The following FAR2 variants were observed in gnomAD, a reference collection of about 807,000 sequenced individuals.
FAR2 encodes fatty acyl-CoA reductase 2.
FAR2 carries 19 observed loss-of-function variants against 56.0 expected under a neutral mutation model. The ratio of observed to expected loss-of-function variants is 0.34; its 90% CI spans 0.24 to 0.50. The LOEUF (loss-of-function observed/expected upper bound fraction) is 0.50, where lower values mean the gene tolerates loss of function less well. Ranked by LOEUF, FAR2 falls within the 20% of genes least tolerant of loss-of-function variation. FAR2 has a pLI of 0.98. For missense variants in FAR2, 508 were observed against 642.2 expected (o/e 0.79, Z 2.26); for synonymous variants, 219 against 218.8 (o/e 1.00, Z -0.01).
intron 1 of FAR2, among the ~76,000 whole-genome samples, chr12:29,199,526 G>A (rs7956134): frequency 0.74 from 110,128 of 149,442 alleles, 42,635 homozygotes; most frequent in East Asian, 0.9. Context: ...CGTGAACCCG[G>A]GAGGCGGAGC....
At chr12:29,319,672 G>A (rs951722892) in intron 9 of FAR2, among the ~76,000 whole-genome samples, 24 of 152,116 alleles carry the variant, frequency 1.6e-4, no homozygotes, top group African/African-American at 5.8e-4. Flanking sequence ...CAGGCTTATA[G>A]GATTTAAATC....
intron 1 of FAR2, among the ~76,000 whole-genome samples, chr12:29,217,455 G>C (rs1024746639): frequency 1.3e-5 from 2 of 152,194 alleles, no homozygotes; most frequent in African/African-American, 2.4e-5. Flanking sequence ...AGCAGTACAG[G>C]AAGCTGGAGG....
At chr12:29,293,266 AT>A (rs1565508796) in intron 2 of FAR2, 33 bp from the exon 3 acceptor site, 3 of 1,457,780 alleles carry the variant, frequency 2.1e-6, no homozygotes, top group African/African-American at 1.5e-5. Context: ...TGATGGTGCT[AT>A]TTTTTGTATA....
In FAR2 at chr12:29,332,737, A is replaced by C; in HGVS notation, c.1385+10A>C. 1.2e-6 allele frequency: 2 copies of C among 1,610,354 alleles called. No homozygotes were observed. Among genetic ancestry groups the C allele is most frequent in the Non-Finnish European group, 8.5e-7 (1 of 1,178,092 alleles). On this transcript the variant is annotated intron_variant, in intron 11 of 11. Transcript: ENST00000536681. ...AGCAACGCTTAAAAAGGTAAGTATAATCAGTCAGTTAATATTTATTGAGCA... is the reference window on the plus strand; with the variant it reads ...AGCAACGCTTAAAAAGGTAAGTATACTCAGTCAGTTAATATTTATTGAGCA...
rs573937265 is a variant in FAR2, at chr12:29,173,223, C to T, written c.-39+23816C>T. ...GAAGGGGACGTGTACCCGGGTTGGGCCAAATTCCCCTTCCCCTACAGCTTG... is the reference window on the plus strand; with the variant it reads ...GAAGGGGACGTGTACCCGGGTTGGGTCAAATTCCCCTTCCCCTACAGCTTG... On this transcript the variant is annotated intron_variant, in intron 1 of 11. Coordinates refer to ENST00000536681, the MANE Select transcript of FAR2 (RefSeq NM_001271783.2). Among the ~76,000 whole-genome samples, 126 of 152,252 alleles carry T rather than the reference C, an allele frequency of 8.3e-4. 1 individual carries two copies. Among genetic ancestry groups the T allele is most frequent in the African/African-American group, 2.9e-3 (119 of 41,544 alleles).
intron 9 of FAR2, among the ~76,000 whole-genome samples, chr12:29,317,510 C>G (rs1591964480): frequency 6.6e-6 from 1 of 152,050 alleles, no homozygotes; most frequent in Non-Finnish European, 1.5e-5. Context: ...AAGTTTTGAA[C>G]AAAGCAGTCA....
intron 1 of FAR2, among the ~76,000 whole-genome samples, chr12:29,211,303 A>G (rs1410077954): frequency 6.6e-6 from 1 of 152,194 alleles, no homozygotes; most frequent in African/African-American, 2.4e-5. Flanking sequence ...AAAGAAAAAA[A>G]GAATATCTTG....
chr12:29,308,013 A>G, intron 5 of FAR2, 178 bp downstream of exon 5: 1 of 592,556 alleles, frequency 1.7e-6, no homozygotes, highest in Non-Finnish European at 2.8e-6. Context: ...TTTACCCAGC[A>G]TGTGGCTCCT....
intron 10 of FAR2, among the ~76,000 whole-genome samples, chr12:29,326,002 T>TA (rs1372143902): frequency 6.6e-6 from 1 of 151,964 alleles, no homozygotes; most frequent in Non-Finnish European, 1.5e-5. Context: ...GATAGACTGC[T>TA]AGCAAGACTA....
intron 1 of FAR2, among the ~76,000 whole-genome samples, chr12:29,218,762 A>C (rs1017480557): frequency 6.6e-6 from 1 of 152,244 alleles, no homozygotes; most frequent in East Asian, 1.9e-4. Flanking sequence ...AAGGGGAAAA[A>C]GTTATATTTA....
At chr12:29,261,221 T>A (rs12823903) in intron 1 of FAR2, among the ~76,000 whole-genome samples, 20,723 of 151,942 alleles carry the variant, frequency 0.14, 1,544 homozygotes, top group Middle Eastern at 0.28. Flanking sequence ...TCAGATACAT[T>A]TAACAAAGAG....
chr12:29,174,549 T>G (rs1949918710), intron 1 of FAR2, among the ~76,000 whole-genome samples: 1 of 144,128 alleles, frequency 6.9e-6, no homozygotes, highest in Admixed American at 7.3e-5. Flanking sequence ...GCCTCCCAAG[T>G]AGCTGGCACT....
At chr12:29,324,618 T>C (rs1055436564) in intron 10 of FAR2, among the ~76,000 whole-genome samples, 6 of 152,154 alleles carry the variant, frequency 3.9e-5, no homozygotes, top group Non-Finnish European at 7.3e-5. Context: ...GAAAAGAATT[T>C]TCAACCCAGA....
intron 1 of FAR2, among the ~76,000 whole-genome samples, chr12:29,195,963 T>G (rs1004711431): frequency 2.0e-5 from 3 of 152,208 alleles, no homozygotes; most frequent in African/African-American, 7.2e-5. Context: ...TATTTGACTT[T>G]CTGTTTCTGC....
chr12:29,235,914 G>T (rs1321274244), intron 1 of FAR2, among the ~76,000 whole-genome samples: 2 of 152,156 alleles, frequency 1.3e-5, no homozygotes, highest in Admixed American at 1.3e-4. Flanking sequence ...GAGGGGGGAA[G>T]AAATAAGGAG....
At chr12:29,188,313 T>C (rs1192758063) in intron 1 of FAR2, among the ~76,000 whole-genome samples, 1 of 152,162 alleles carries the variant, frequency 6.6e-6, no homozygotes, top group Non-Finnish European at 1.5e-5. Flanking sequence ...CCACCCAGCT[T>C]TTCTGCCCTT....
intron 2 of FAR2, among the ~76,000 whole-genome samples, chr12:29,281,869 GA>G (rs902579733): frequency 8.0e-5 from 12 of 150,658 alleles, no homozygotes; most frequent in Admixed American, 1.3e-4. Context: ...AAAGTTAAAG[GA>G]AAAAAAAATT....
intron 10 of FAR2, among the ~76,000 whole-genome samples, chr12:29,329,117 A>G (rs982185556): frequency 2.6e-5 from 4 of 152,196 alleles, no homozygotes; most frequent in Non-Finnish European, 5.9e-5. Context: ...GCTCCCTCTC[A>G]AAGTGACATG....
chr12:29,306,759 G>C (rs932053894), intron 4 of FAR2, among the ~76,000 whole-genome samples: 3 of 152,164 alleles, frequency 2.0e-5, no homozygotes, highest in African/African-American at 7.2e-5. Flanking sequence ...TTAGGCTGAT[G>C]CTATGGTAAC....
Sources: gnomAD v4.1 joint callset for allele counts (sites outside exome capture counted in the v4.1 genomes callset) on GRCh38, gnomAD v4.1.1 for gene constraint, MANE v1.5 for transcripts, NCBI Gene and HGNC (gene_info 2026-07-23, HGNC 2026-07-21) for gene names.